CACHD1: variants seen among roughly 807,000 people sequenced by gnomAD.
CACHD1 encodes the protein VWFA and cache domain-containing protein 1.
A neutral mutation model predicts 138.7 loss-of-function variants in CACHD1; 71 were observed. That is an observed-to-expected ratio of 0.51 (90% CI 0.42 to 0.62). The LOEUF (loss-of-function observed/expected upper bound fraction) is 0.62. Among genes scored for constraint, CACHD1 ranks in the 20% least tolerant of loss-of-function variants. The pLI is 0.00. For missense variants in CACHD1, 1,389 were observed against 1,625.3 expected, an observed-to-expected ratio of 0.85 and a Z score of 2.50; for synonymous variants, 578 against 591.5, an observed-to-expected ratio of 0.98 and a Z score of 0.33.
At chr1:64,512,516 G>A (rs1157063065) in intron 1 of CACHD1, among the ~76,000 whole-genome samples, 1 of 151,914 alleles carries the variant, frequency 6.6e-6, no homozygotes, top group Non-Finnish European at 1.5e-5. Context: ...AATGGAGAGA[G>A]GCTACTGCAG....
chr1:64,505,651 C>G (rs1454718894), intron 1 of CACHD1, among the ~76,000 whole-genome samples: 1 of 139,916 alleles, frequency 7.1e-6, no homozygotes. Flanking sequence ...AACCCCAACA[C>G]CTCCACCTCT....
At chr1:64,603,097 A>G (rs976722994) in intron 4 of CACHD1, among the ~76,000 whole-genome samples, 185 bp downstream of exon 4, 4 of 134,844 alleles carry the variant, frequency 3.0e-5, no homozygotes, top group Non-Finnish European at 4.7e-5. Context: ...TCAAGCTTAC[A>G]TCTTTTTTTT....
At chr1:64,664,712 C>G (rs1421696350) in intron 15 of CACHD1, 33 bp downstream of exon 15, 4 of 1,599,332 alleles carry the variant, frequency 2.5e-6, no homozygotes, top group Non-Finnish European at 3.4e-6. Flanking sequence ...ATCAAAGGTT[C>G]TCCCCCAAAT....
At chr1:64,675,684 G>A (rs1649962158) in intron 20 of CACHD1, 123 bp downstream of exon 20, 2 of 1,222,890 alleles carry the variant, frequency 1.6e-6, no homozygotes, top group Non-Finnish European at 2.3e-6. Flanking sequence ...AAAAGTCACA[G>A]TTACAAAGCC....
chr1:64,571,083 C>G (rs1449561053), intron 2 of CACHD1, among the ~76,000 whole-genome samples: 1 of 152,142 alleles, frequency 6.6e-6, no homozygotes, highest in Non-Finnish European at 1.5e-5. Flanking sequence ...CGCATTACAA[C>G]TGGCTTCATT....
intron 1 of CACHD1, among the ~76,000 whole-genome samples, chr1:64,534,720 T>C (rs190840311): frequency 6.6e-6 from 1 of 152,340 alleles, no homozygotes; most frequent in East Asian, 1.9e-4. Flanking sequence ...TAGCCTGTGC[T>C]CAGTAACAGG....
At chr1:64,623,096 T>G (rs533720536) in intron 4 of CACHD1, among the ~76,000 whole-genome samples, 1 of 152,318 alleles carries the variant, frequency 6.6e-6, no homozygotes, top group Admixed American at 6.5e-5. Flanking sequence ...CAATATTTAA[T>G]TTTTTAAATT....
rs140974271 is a variant in CACHD1 at position 64,643,633 on chromosome 1, A to G, written c.1156+1664A>G. Among the ~76,000 whole-genome samples the G allele has an allele frequency of 6.7e-3, 1,021 of 152,236 alleles. 9 individuals are homozygous for G. Among genetic ancestry groups the G allele is most frequent in the African/African-American group, 0.018 (765 of 41,546 alleles). On this transcript the variant is annotated intron_variant, in intron 8 of 26. Transcript: ENST00000651257. ...GGGCGGATCACGAGGTCAGGAGATC[A>G]AGACCATCCTGGCTAACACGGTGAA...
At chr1:64,574,313 T>C (rs1013504728) in intron 2 of CACHD1, among the ~76,000 whole-genome samples, 1 of 152,204 alleles carries the variant, frequency 6.6e-6, no homozygotes, top group Non-Finnish European at 1.5e-5. Context: ...AGGGTTGTTA[T>C]AAGGCACAAA....
Position 64,612,095 on chromosome 1 carries a change from T to TG in CACHD1, c.517+9188dup, listed in dbSNP as rs530844330. Among the ~76,000 whole-genome samples, 305 of 152,238 alleles carry TG rather than the reference T, an allele frequency of 2.0e-3. 1 individual carries two copies. The highest frequency in any genetic ancestry group is 7.6e-3 in the Admixed American group (116 of 15,296). ...AGAACTCACTATCATGAGAATAGCA[T>TG]GGGGGAAACTGCCCCCATGATCCAA... On this transcript the variant is annotated intron_variant, in intron 4 of 26. Coordinates refer to ENST00000651257, the MANE Select transcript of CACHD1 (RefSeq NM_020925.4).
In CACHD1 at chr1:64,663,895, G is replaced by T. The variant is rs1365108403; in HGVS notation, c.2094+58G>T. 5.0e-6 allele frequency: 8 copies of T among 1,604,512 alleles called. No individual in the cohort carries two copies. The Admixed American group carries it at 1.0e-4, about 20-fold the overall frequency. On this transcript the variant is annotated intron_variant, in intron 14 of 26. Transcript: ENST00000651257. ...TCCCCCTCCACAGGCCCAGCAGGGG[G>T]TGCTGGCAGTGAACCTTTGAAGTAG...
At chr1:64,474,177 T>C (rs759180099) in intron 1 of CACHD1, among the ~76,000 whole-genome samples, 3 of 152,206 alleles carry the variant, frequency 2.0e-5, no homozygotes, top group Non-Finnish European at 4.4e-5. Flanking sequence ...GCAGACATCA[T>C]ACATCATGGA....
intron 1 of CACHD1, among the ~76,000 whole-genome samples, chr1:64,527,009 C>A (rs1054542014): frequency 3.9e-5 from 6 of 152,204 alleles, no homozygotes; most frequent in African/African-American, 1.4e-4. Flanking sequence ...CTGTAGCGAG[C>A]AGTTCGGAGT....
rs1649341984 is a variant in CACHD1, at chr1:64,658,687, C to A, written c.1783-18C>A. On this transcript the variant is annotated intron_variant, in intron 12 of 26. Transcript: ENST00000651257. Reference sequence around the variant, plus strand: ...ACCCTCATTTTCTAGGTCAGAAATTCTTTATTGATTTTTACAGGTACAAGA... The same window carrying A: ...ACCCTCATTTTCTAGGTCAGAAATTATTTATTGATTTTTACAGGTACAAGA... 2.5e-6 allele frequency: 4 copies of A among 1,582,502 alleles called. No homozygotes were observed. Among genetic ancestry groups the A allele is most frequent in the Admixed American group, 1.8e-5 (1 of 56,596 alleles).
At chr1:64,667,452 T>G (rs564193512) in intron 16 of CACHD1, among the ~76,000 whole-genome samples, 1 of 152,350 alleles carries the variant, frequency 6.6e-6, no homozygotes, top group Non-Finnish European at 1.5e-5. Flanking sequence ...AAATGTTGAC[T>G]CCTTTGTAGG....
intron 16 of CACHD1, among the ~76,000 whole-genome samples, chr1:64,667,196 T>A (rs1224419582): frequency 6.6e-6 from 1 of 152,230 alleles, no homozygotes; most frequent in Non-Finnish European, 1.5e-5. Flanking sequence ...TAGCTATTTT[T>A]TCCTAGCAAC....
At chr1:64,658,969 C>A in intron 13 of CACHD1, 96 bp downstream of exon 13, 1 of 1,060,396 alleles carries the variant, frequency 9.4e-7, no homozygotes, top group Non-Finnish European at 1.3e-6. Context: ...AAAAAAGATA[C>A]TGAATGCCTG....
intron 5 of CACHD1, among the ~76,000 whole-genome samples, chr1:64,632,336 C>T (rs957504786): frequency 2.0e-4 from 30 of 150,944 alleles, no homozygotes; most frequent in African/African-American, 7.1e-4. Flanking sequence ...AGGGTTTGCT[C>T]CTGAAAAACT....
chr1:64,594,832 G>T (rs1647137415), intron 3 of CACHD1, among the ~76,000 whole-genome samples: 1 of 152,096 alleles, frequency 6.6e-6, no homozygotes, highest in Non-Finnish European at 1.5e-5. Context: ...ACCTTTTTGT[G>T]CATTTTTATT....
Sources: allele counts gnomAD v4.1 joint callset (sites outside exome capture counted in the v4.1 genomes callset), GRCh38; gene constraint gnomAD v4.1.1; transcripts MANE v1.5; gene names NCBI Gene and HGNC (gene_info 2026-07-23, HGNC 2026-07-21).